Variants in FER observed in about 807,000 individuals in gnomAD.
FER encodes tyrosine-protein kinase Fer.
FER carries 63 observed loss-of-function variants against 111.0 expected under a neutral mutation model. That is an observed-to-expected ratio of 0.57 (90% confidence interval 0.46 to 0.70). The LOEUF (loss-of-function observed/expected upper bound fraction) is 0.70. Ranked by LOEUF, FER falls within the 30% of genes least tolerant of loss-of-function variation. The probability of loss-of-function intolerance (pLI) is 0.00; values close to 1 mark genes in which losing one functional copy is unlikely to be tolerated. For synonymous variants in FER, 327 were observed against 313.9 expected (o/e 1.04, Z -0.44); for missense variants, 914 against 954.0 (o/e 0.96, Z 0.55).
At chr5:108,750,723 G>A (rs1416072052) in intron 1 of FER, among the ~76,000 whole-genome samples, 3 of 152,166 alleles carry the variant, frequency 2.0e-5, no homozygotes, top group Non-Finnish European at 4.4e-5. Context: ...ACTCTGGACC[G>A]TGAACATTTC....
Position 109,189,556 on chromosome 5 carries a change from C to T in FER, c.*1981C>T, listed in dbSNP as rs945554306. On this transcript the variant is annotated 3_prime_UTR_variant, in exon 20 of 20. Transcript: ENST00000281092. ...ACTAAAGGGAAATTTCTTTTGATGG[C>T]ACGTACTATGGTAAATCAAAGCGCA... 1 of 152,146 alleles carries T rather than the reference C, an allele frequency of 6.6e-6. No homozygotes were observed. Among genetic ancestry groups the T allele is most frequent in the East Asian group, 1.9e-4 (1 of 5,202 alleles). 9.4% of individuals were successfully genotyped at this position (152,146 alleles called of 1,614,324 possible).
intron 18 of FER, among the ~76,000 whole-genome samples, chr5:109,185,157 A>G (rs1758720497): frequency 6.6e-6 from 1 of 152,122 alleles, no homozygotes; most frequent in African/African-American, 2.4e-5. Context: ...CCAGAAGACA[A>G]CCTTGTGCTG....
intron 2 of FER, among the ~76,000 whole-genome samples, chr5:108,797,429 C>G (rs1263150854): frequency 6.6e-6 from 1 of 152,160 alleles, no homozygotes; most frequent in Non-Finnish European, 1.5e-5. Flanking sequence ...ATGGGCAATT[C>G]CCCTCTGGCT....
chr5:109,031,849 C>G (rs1267989775), intron 13 of FER, among the ~76,000 whole-genome samples: 1 of 152,140 alleles, frequency 6.6e-6, no homozygotes, highest in Non-Finnish European at 1.5e-5. Flanking sequence ...CCTTTGTCAT[C>G]ACTTACATTA....
intron 14 of FER, among the ~76,000 whole-genome samples, chr5:109,042,093 A>C (rs1332797979): frequency 1.3e-5 from 2 of 152,160 alleles, no homozygotes; most frequent in African/African-American, 4.8e-5. Context: ...GCACTATGCA[A>C]GTCGGAGATA....
At chr5:108,879,701 A>AATATATAT (rs1554084618) in intron 8 of FER, among the ~76,000 whole-genome samples, 18 of 99,092 alleles carry the variant, frequency 1.8e-4, no homozygotes, top group African/African-American at 5.7e-4. Flanking sequence ...ATTAAAAAAA[A>AATATATAT]ATATATATAT....
At chr5:108,944,108 T>TACACAC (rs34138754) in intron 10 of FER, among the ~76,000 whole-genome samples, 3,091 of 145,714 alleles carry the variant, frequency 0.021, 34 homozygotes, top group South Asian at 0.063. Flanking sequence ...TGTGTATGTG[T>TACACAC]ACACACACAC....
At chr5:109,001,223 G>A (rs1314587622) in intron 13 of FER, among the ~76,000 whole-genome samples, 1 of 152,026 alleles carries the variant, frequency 6.6e-6, no homozygotes, top group Admixed American at 6.5e-5. Context: ...CATTTGATGG[G>A]AAAATTCTCA....
chr5:108,845,041 C>T (rs112390577), intron 5 of FER, among the ~76,000 whole-genome samples: 3,004 of 45,762 alleles, frequency 0.066, 61 homozygotes, highest in East Asian at 0.076. Flanking sequence ...TATATATATA[C>T]ATATATATAT....
intron 5 of FER, among the ~76,000 whole-genome samples, chr5:108,851,107 C>A (rs1762502520): frequency 6.6e-6 from 1 of 152,146 alleles, no homozygotes; most frequent in African/African-American, 2.4e-5. Context: ...TCAACTTGTT[C>A]ATGTTGTAGA....
intron 17 of FER, among the ~76,000 whole-genome samples, chr5:109,151,581 A>G (rs1420306925): frequency 6.6e-6 from 1 of 152,120 alleles, no homozygotes; most frequent in Non-Finnish European, 1.5e-5. Context: ...TTACTGGAGA[A>G]CTTGACTCCA....
At chr5:108,794,526 A>ACCCCCCCCCCCCCCCCC (rs138716410) in intron 2 of FER, among the ~76,000 whole-genome samples, 12 of 106,354 alleles carry the variant, frequency 1.1e-4, no homozygotes, top group South Asian at 3.5e-4. Flanking sequence ...CCCCCTCCGC[A>ACCCCCCCCCCCCCCCCC]CCCCCCCCCC....
intron 1 of FER, among the ~76,000 whole-genome samples, chr5:108,764,999 C>G (rs998707187): frequency 1.3e-5 from 2 of 152,032 alleles, no homozygotes; most frequent in Non-Finnish European, 2.9e-5. Flanking sequence ...TCACCCTAGT[C>G]CCATTTGTGA....
At chr5:109,130,768 C>A (rs186534536) in intron 17 of FER, among the ~76,000 whole-genome samples, 1 of 152,090 alleles carries the variant, frequency 6.6e-6, no homozygotes, top group Admixed American at 6.6e-5. Flanking sequence ...GTTCAGCAAT[C>A]ATATGTGGCT....
chr5:109,162,439 G>C (rs570407131), intron 17 of FER, among the ~76,000 whole-genome samples: 1 of 151,986 alleles, frequency 6.6e-6, no homozygotes, highest in Admixed American at 6.6e-5. Flanking sequence ...GAAAAGCTAA[G>C]TGCCATCTAG....
Position 109,049,850 on chromosome 5 carries a change from A to G in FER, c.1924+2652A>G, listed in dbSNP as rs1388311488. On this transcript the variant is annotated intron_variant, in intron 16 of 19. Transcript: ENST00000281092. ...TAGATGTCTTCAGCATATAGTTCAA[A>G]TAAATTAGTTATATGTGTACTACTG... Among the ~76,000 whole-genome samples, 11 of 152,358 alleles carry G rather than the reference A, an allele frequency of 7.2e-5. No homozygotes were observed. In the South Asian group the frequency reaches 2.3e-3, roughly 32 times the overall value.
intron 17 of FER, among the ~76,000 whole-genome samples, chr5:109,144,663 CT>C (rs1481285403): frequency 6.6e-6 from 1 of 152,082 alleles, no homozygotes; most frequent in African/African-American, 2.4e-5. Context: ...ACACAAGGGC[CT>C]TTTCAGGACC....
chr5:109,058,724 C>CTTTTTTTTTTTTTTTTTTTTT (rs746184286), intron 16 of FER, among the ~76,000 whole-genome samples: 2 of 76,276 alleles, frequency 2.6e-5, no homozygotes, highest in African/African-American at 1.2e-4. Context: ...TTCTTTCTTT[C>CTTTTTTTTTTTTTTTTTTTTT]TTTTTTTTTT....
At chr5:108,966,280 T>G (rs1259184314) in intron 13 of FER, among the ~76,000 whole-genome samples, 5 of 152,168 alleles carry the variant, frequency 3.3e-5, no homozygotes, top group African/African-American at 1.2e-4. Context: ...GTCATTGGAA[T>G]TTTTTAATGC....
Sources: allele counts gnomAD v4.1 joint callset (sites outside exome capture counted in the v4.1 genomes callset), GRCh38; gene constraint gnomAD v4.1.1; transcripts MANE v1.5; gene names NCBI Gene and HGNC (gene_info 2026-07-23, HGNC 2026-07-21).